KIF26B: variants seen among roughly 807,000 people sequenced by gnomAD.
KIF26B encodes kinesin family member 26B, also known as kinesin-like protein KIF26B.
Under a neutral mutation model 151.2 loss-of-function variants are expected in KIF26B, and 63 were observed. That is an observed-to-expected ratio of 0.42 (90% CI 0.34 to 0.51). The LOEUF is 0.51. KIF26B is among the 20% of genes least tolerant of loss of function. KIF26B has a pLI of 0.07. For synonymous variants in KIF26B, 1,357 were observed against 1,262.1 expected (o/e 1.08, Z -1.59); for missense variants, 2,813 against 2,913.6 (o/e 0.97, Z 0.79).
intron 5 of KIF26B, among the ~76,000 whole-genome samples, chr1:245,575,853 T>C (rs1022049557): frequency 6.6e-6 from 1 of 152,218 alleles, no homozygotes; most frequent in African/African-American, 2.4e-5. Flanking sequence ...TCTTGAACTA[T>C]GAAAATGAGG....
intron 14 of KIF26B, among the ~76,000 whole-genome samples, chr1:245,699,432 A>T (rs1452898226): frequency 6.6e-6 from 1 of 151,640 alleles, no homozygotes; most frequent in Admixed American, 6.6e-5. Context: ...AAAAAGGTAG[A>T]GTGTACAGTC....
intron 4 of KIF26B, among the ~76,000 whole-genome samples, chr1:245,517,825 T>G (rs1473431801): frequency 6.6e-6 from 1 of 151,730 alleles, no homozygotes; most frequent in Admixed American, 6.6e-5. Flanking sequence ...TTGGCATGAT[T>G]CTCTGTGTAT....
rs749379056 is a variant in KIF26B, at chr1:245,419,626, A to G, written c.1047A>G (p.Ala349=). ...TESSREGLTE[A]VLNRYNADKP... The stretch of plus-strand genomic sequence containing the variant: ...GTAGCCGGGAGGGACTAACAGAAGC[A>G]GTGCTGAACCGCTACAATGCAGACA... The change falls in exon 4 of 15, where the codon GCA becomes GCG. Residue 349 remains alanine (A), a synonymous_variant. Transcript: ENST00000407071. 6.2e-7 allele frequency: 1 copy of G among 1,613,708 alleles called. No homozygotes were observed. The highest frequency in any genetic ancestry group is 1.1e-5 in the South Asian group (1 of 91,042).
intron 2 of KIF26B, among the ~76,000 whole-genome samples, chr1:245,274,139 C>T (rs1670899364): frequency 1.3e-5 from 2 of 152,226 alleles, no homozygotes; most frequent in South Asian, 2.1e-4. Flanking sequence ...ATATGCTTTT[C>T]TGCACACTTT....
intron 9 of KIF26B, among the ~76,000 whole-genome samples, chr1:245,641,114 CA>C (rs2043887112): frequency 6.6e-6 from 1 of 152,010 alleles, no homozygotes; most frequent in Non-Finnish European, 1.5e-5. Flanking sequence ...CCTTGGGGAA[CA>C]TTTTTTTTTT....
chr1:245,303,450 G>A (rs896745843), intron 2 of KIF26B, among the ~76,000 whole-genome samples: 9 of 150,656 alleles, frequency 6.0e-5, no homozygotes, highest in Non-Finnish European at 8.8e-5. Flanking sequence ...CGCCCGCCTC[G>A]GCCTCCCAAA....
chr1:245,398,917 A>G (rs1673926963), intron 3 of KIF26B, among the ~76,000 whole-genome samples: 1 of 152,150 alleles, frequency 6.6e-6, no homozygotes, highest in Non-Finnish European at 1.5e-5. Flanking sequence ...TGTGAGTAAG[A>G]TGCGTATACC....
At chr1:245,674,852 G>GC (rs1255590926) in intron 10 of KIF26B, among the ~76,000 whole-genome samples, 1 of 152,114 alleles carries the variant, frequency 6.6e-6, no homozygotes, top group Non-Finnish European at 1.5e-5. Context: ...GGAGAGCACG[G>GC]CCCCCAGTCT....
At chr1:245,536,199 G>C (rs139949670) in intron 4 of KIF26B, among the ~76,000 whole-genome samples, 2 of 152,224 alleles carry the variant, frequency 1.3e-5, no homozygotes, top group East Asian at 3.9e-4. Context: ...GAGGGCTTCT[G>C]AGATTCAAAA....
In KIF26B at chr1:245,184,050, G is replaced by GTTGTTTTTTTTTTT. The variant is rs1553332271; in HGVS notation, c.465+27369_465+27370insGTTTTTTTTTTTTT. Among the ~76,000 whole-genome samples the GTTGTTTTTTTTTTT allele has an allele frequency of 7.1e-3, 141 of 19,802 alleles. 10 individuals carry two copies. The highest frequency in any genetic ancestry group is 0.012 in the African/African-American group (82 of 6,608). The allele number at this position is 19,802 out of a possible 152,430, so 13.0% of individuals were successfully genotyped here. On this transcript the variant is annotated intron_variant, in intron 2 of 14. Transcript: ENST00000407071. The stretch of plus-strand genomic sequence containing the variant: ...GCAACAGGTATGGGTGGGAGTTGTT[G>GTTGTTTTTTTTTTT]TTTTTTTTTTTTTTTTTTTGAGCTT...
At chr1:245,679,457 G>GGT (rs2044400839) in intron 10 of KIF26B, among the ~76,000 whole-genome samples, 3 of 59,176 alleles carry the variant, frequency 5.1e-5, no homozygotes, top group Admixed American at 2.5e-4. Context: ...TTTTGTGTGT[G>GGT]TTTTTTTTTT....
intron 2 of KIF26B, among the ~76,000 whole-genome samples, chr1:245,311,038 C>G (rs1240577398): frequency 6.6e-6 from 1 of 152,144 alleles, no homozygotes; most frequent in Non-Finnish European, 1.5e-5. Context: ...GAATTTCTAT[C>G]AGGAGTCTGT....
intron 3 of KIF26B, among the ~76,000 whole-genome samples, chr1:245,412,924 T>G (rs1674322443): frequency 6.6e-6 from 1 of 152,200 alleles, no homozygotes. Flanking sequence ...GACACACATG[T>G]GCACCCTCTC....
chr1:245,668,551 A>G (rs2044243822), intron 10 of KIF26B, among the ~76,000 whole-genome samples: 1 of 152,166 alleles, frequency 6.6e-6, no homozygotes, highest in Admixed American at 6.5e-5. Flanking sequence ...TTGGTAATGG[A>G]AAGCATTCTT....
chr1:245,629,046 C>T (rs764480498), intron 9 of KIF26B, among the ~76,000 whole-genome samples: 10 of 151,976 alleles, frequency 6.6e-5, no homozygotes, highest in Admixed American at 1.3e-4. Flanking sequence ...ACAAGGAATG[C>T]GAAGGACCCC....
intron 3 of KIF26B, among the ~76,000 whole-genome samples, chr1:245,386,595 C>T (rs1045512747): frequency 3.3e-5 from 5 of 152,222 alleles, no homozygotes; most frequent in Non-Finnish European, 5.9e-5. Flanking sequence ...CTGGTTGTGG[C>T]GTAGGTAAAC....
chr1:245,579,926 G>C (rs1468331488), intron 5 of KIF26B, among the ~76,000 whole-genome samples: 3 of 152,174 alleles, frequency 2.0e-5, no homozygotes, highest in African/African-American at 7.2e-5. Context: ...TGGAGGAACA[G>C]TGGTGGCGGG....
At chr1:245,700,227 G>A (rs571932886) in intron 14 of KIF26B, among the ~76,000 whole-genome samples, 15 of 152,140 alleles carry the variant, frequency 9.9e-5, no homozygotes, top group Non-Finnish European at 1.6e-4. Context: ...TCTGAGCCTT[G>A]ACTTCCTTAG....
At chr1:245,343,219 G>A (rs1340310321) in intron 2 of KIF26B, among the ~76,000 whole-genome samples, 1 of 152,160 alleles carries the variant, frequency 6.6e-6, no homozygotes, top group Non-Finnish European at 1.5e-5. Context: ...TTGGTCTGTG[G>A]AGTGTATTAG....
Sources: allele counts gnomAD v4.1 joint callset (sites outside exome capture counted in the v4.1 genomes callset), GRCh38; gene constraint gnomAD v4.1.1; transcripts MANE v1.5; gene names NCBI Gene and HGNC (gene_info 2026-07-23, HGNC 2026-07-21).